The following DNAH14 variants were observed in gnomAD, a reference collection of about 807,000 sequenced individuals.
The protein encoded by DNAH14 is dynein axonemal heavy chain 14, also known as axonemal beta dynein heavy chain 14.
DNAH14 carries 478 observed loss-of-function variants against 520.9 expected under a neutral mutation model. The observed-to-expected ratio is 0.92, with a 90% CI of 0.85 to 0.99. The LOEUF is 0.99. Ranked by LOEUF, DNAH14 falls within the 50% of genes least tolerant of loss-of-function variation. DNAH14 has a pLI of 0.00. For synonymous variants in DNAH14, 1,581 were observed against 1,757.2 expected (o/e 0.90, Z 2.51); for missense variants, 4,831 against 5,234.5 (o/e 0.92, Z 2.38).
chr1:225,236,150 G>A (rs1202467826), intron 42 of DNAH14, among the ~76,000 whole-genome samples: 2 of 151,896 alleles, frequency 1.3e-5, no homozygotes, highest in Non-Finnish European at 2.9e-5. Flanking sequence ...CTAGCTTTTT[G>A]ATGTGGGCAT....
chr1:225,312,371 A>G (rs531087476), intron 60 of DNAH14, among the ~76,000 whole-genome samples: 1 of 152,316 alleles, frequency 6.6e-6, no homozygotes, highest in East Asian at 1.9e-4. Flanking sequence ...TTCTAAATAT[A>G]CAATCATGTC....
intron 83 of DNAH14, 26 bp from the exon 84 acceptor site, chr1:225,392,265 T>C: frequency 6.4e-7 from 1 of 1,551,646 alleles, no homozygotes. Flanking sequence ...CACAAGGAAC[T>C]TGATGGTGTG....
intron 27 of DNAH14, among the ~76,000 whole-genome samples, chr1:225,139,587 G>A: frequency 6.6e-6 from 1 of 152,106 alleles, no homozygotes. Flanking sequence ...GCCACTGAAG[G>A]AATTTGAACA....
In DNAH14 at chr1:225,252,317, TG is replaced by T; in HGVS notation, c.6767del (p.Gly2256ValfsTer12). The T allele has an allele frequency of 6.5e-7, 1 of 1,548,352 alleles. No individual in the cohort carries two copies. The highest frequency in any genetic ancestry group is 1.2e-5 in the South Asian group (1 of 83,772). ...CGGTTGTAGGCATCAACCTACCAAC[TG>T]GTGAATGTTCCATCTTTGGATATTT... ...SSQVGINLPT[G>X]ECSIFGYFVD... On this transcript the variant is annotated frameshift_variant, in exon 44 of 86. Transcript: ENST00000682510. LOFTEE classifies it high-confidence loss of function.
At chr1:225,158,634 C>A (rs908665534) in intron 34 of DNAH14, among the ~76,000 whole-genome samples, 1 of 152,190 alleles carries the variant, frequency 6.6e-6, no homozygotes, top group African/African-American at 2.4e-5. Flanking sequence ...ATGCCATATA[C>A]TTGATTTTCC....
At chr1:225,091,003 T>C (rs2074335702) in intron 21 of DNAH14, among the ~76,000 whole-genome samples, 1 of 152,044 alleles carries the variant, frequency 6.6e-6, no homozygotes, top group Non-Finnish European at 1.5e-5. Flanking sequence ...CCAGAATATA[T>C]AAAGAACTCT....
intron 12 of DNAH14, among the ~76,000 whole-genome samples, chr1:225,040,325 T>A (rs1482884976): frequency 1.3e-5 from 2 of 152,222 alleles, no homozygotes; most frequent in Non-Finnish European, 2.9e-5. Context: ...ATATACAACA[T>A]ACACACTATG....
At chr1:225,346,727 A>C (rs1345820170) in intron 71 of DNAH14, 73 bp downstream of exon 71, 2 of 1,154,648 alleles carry the variant, frequency 1.7e-6, no homozygotes, top group Non-Finnish European at 2.4e-6. Flanking sequence ...AAGGTGCTCC[A>C]AGTCAATGCC....
intron 3 of DNAH14, among the ~76,000 whole-genome samples, chr1:224,956,614 G>A (rs968519771): frequency 6.6e-6 from 1 of 152,096 alleles, no homozygotes; most frequent in African/African-American, 2.4e-5. Flanking sequence ...TTTTCAGAAT[G>A]TATCCCTGTC....
chr1:225,106,169 A>G lies in DNAH14; in HGVS notation c.3867+5285A>G, dbSNP rs1026917672. On this transcript the variant is annotated intron_variant, in intron 23 of 85. Transcript: ENST00000682510. Reference sequence around the variant, plus strand: ...TTAGTTTGGCTGGATATGAAATTCTAGGTTGAAAATTCTTTTCTTTAAGAA... The same window carrying G: ...TTAGTTTGGCTGGATATGAAATTCTGGGTTGAAAATTCTTTTCTTTAAGAA... Among the ~76,000 whole-genome samples the G allele has an allele frequency of 8.0e-5, 12 of 150,788 alleles. 1 individual carries two copies. The highest frequency in any genetic ancestry group is 4.2e-4 in the South Asian group (2 of 4,802).
intron 68 of DNAH14, among the ~76,000 whole-genome samples, chr1:225,339,364 A>G (rs184981311): frequency 1.7e-4 from 26 of 152,282 alleles, no homozygotes; most frequent in South Asian, 6.2e-4. Context: ...TTTCCAAAGT[A>G]TGTTCCTCAA....
chr1:225,381,305 T>C, intron 80 of DNAH14, 78 bp from the exon 81 acceptor site: 3 of 1,397,252 alleles, frequency 2.1e-6, no homozygotes, highest in Non-Finnish European at 2.9e-6. Context: ...CCCTTAACTT[T>C]CAAAGCCTAA....
chr1:225,197,515 G>C (rs2086308384), intron 38 of DNAH14, among the ~76,000 whole-genome samples: 1 of 151,906 alleles, frequency 6.6e-6, no homozygotes, highest in Admixed American at 6.6e-5. Flanking sequence ...TCTTGCTTTG[G>C]CTATATGGGC....
At chr1:224,958,848 T>C (rs1396904461) in intron 3 of DNAH14, among the ~76,000 whole-genome samples, 1 of 152,106 alleles carries the variant, frequency 6.6e-6, no homozygotes, top group African/African-American at 2.4e-5. Context: ...AGTTCCAGAT[T>C]GAGTGACCAG....
intron 36 of DNAH14, among the ~76,000 whole-genome samples, chr1:225,172,312 G>T (rs1385897612): frequency 6.6e-6 from 1 of 152,152 alleles, no homozygotes; most frequent in Non-Finnish European, 1.5e-5. Flanking sequence ...AGGAAAAGAG[G>T]AAGTCAAATT....
chr1:225,041,777 T>C (rs1194074034), intron 12 of DNAH14, among the ~76,000 whole-genome samples: 3 of 152,188 alleles, frequency 2.0e-5, no homozygotes, highest in African/African-American at 7.2e-5. Context: ...ATATATAGCT[T>C]GAGGTCCAGT....
At chr1:225,075,249 C>T (rs1387214268) in intron 17 of DNAH14, among the ~76,000 whole-genome samples, 1 of 152,126 alleles carries the variant, frequency 6.6e-6, no homozygotes, top group Non-Finnish European at 1.5e-5. Flanking sequence ...TCACTTGGCT[C>T]TGTGTCACTC....
chr1:225,304,852 T>C (rs2094208835), intron 57 of DNAH14, 56 bp from the exon 58 acceptor site: 2 of 1,391,062 alleles, frequency 1.4e-6, no homozygotes, highest in Non-Finnish European at 1.9e-6. Flanking sequence ...CAACTTTCTC[T>C]TTTTATGTAT....
At chr1:224,981,796 C>T (rs2125698864) in intron 8 of DNAH14, among the ~76,000 whole-genome samples, 1 of 152,146 alleles carries the variant, frequency 6.6e-6, no homozygotes, top group Admixed American at 6.5e-5. Flanking sequence ...TCGTTTAGTT[C>T]TGCTCTGATC....
Sources: allele counts gnomAD v4.1 joint callset (sites outside exome capture counted in the v4.1 genomes callset), GRCh38; gene constraint gnomAD v4.1.1; transcripts MANE v1.5; gene names NCBI Gene and HGNC (gene_info 2026-07-23, HGNC 2026-07-21).